Variants in COL25A1 observed in about 807,000 individuals in gnomAD.
COL25A1 encodes collagen alpha-1(XXV) chain.
Under a neutral mutation model 128.4 loss-of-function variants are expected in COL25A1, and 103 were observed. The ratio of observed to expected loss-of-function variants is 0.80; its 90% CI spans 0.68 to 0.94. The LOEUF is 0.94. Ranked by LOEUF, COL25A1 falls within the 40% of genes least tolerant of loss-of-function variation. The pLI is 0.00. For missense variants in COL25A1, 745 were observed against 840.0 expected, an observed-to-expected ratio of 0.89 and a Z score of 1.40; for synonymous variants, 279 against 277.2, an observed-to-expected ratio of 1.01 and a Z score of -0.06.
At chr4:109,256,621 T>C (rs1781105900) in intron 3 of COL25A1, among the ~76,000 whole-genome samples, 1 of 152,176 alleles carries the variant, frequency 6.6e-6, no homozygotes, top group African/African-American at 2.4e-5. Context: ...CAGACCAGTG[T>C]TTGGTTGACA....
chr4:108,844,609 T>C (rs1279601016), intron 29 of COL25A1, 40 bp from the exon 30 acceptor site: 1 of 1,596,178 alleles, frequency 6.3e-7, no homozygotes, highest in South Asian at 1.2e-5. Flanking sequence ...GGTTACTTCA[T>C]TTAGATAAGG....
intron 3 of COL25A1, among the ~76,000 whole-genome samples, chr4:109,137,238 T>C (rs986416942): frequency 6.6e-6 from 1 of 152,218 alleles, no homozygotes; most frequent in Non-Finnish European, 1.5e-5. Flanking sequence ...GATGAAATGT[T>C]CCTATTTGCA....
chr4:108,988,916 C>A (rs868231775), intron 6 of COL25A1, among the ~76,000 whole-genome samples: 11 of 152,172 alleles, frequency 7.2e-5, no homozygotes, highest in Non-Finnish European at 1.5e-4. Context: ...TCATTTCTGT[C>A]TTTTCTTCCC....
chr4:108,901,224 T>G, intron 13 of COL25A1, 52 bp from the exon 14 acceptor site: 3 of 1,225,690 alleles, frequency 2.4e-6, no homozygotes, highest in Non-Finnish European at 3.6e-6. Flanking sequence ...AATCAATACA[T>G]TACATGGATC....
At chr4:109,134,287 A>G (rs1769499918) in intron 3 of COL25A1, among the ~76,000 whole-genome samples, 1 of 151,854 alleles carries the variant, frequency 6.6e-6, no homozygotes, top group African/African-American at 2.4e-5. Flanking sequence ...TCTGGCAACT[A>G]TGTAGAAGAT....
At chr4:109,154,427 C>T (rs1289124210) in intron 3 of COL25A1, among the ~76,000 whole-genome samples, 2 of 152,186 alleles carry the variant, frequency 1.3e-5, no homozygotes, top group African/African-American at 4.8e-5. Context: ...TTCTCACACA[C>T]AAACACACAC....
intron 20 of COL25A1, among the ~76,000 whole-genome samples, chr4:108,863,910 T>C (rs1370126815): frequency 6.6e-6 from 1 of 152,152 alleles, no homozygotes; most frequent in Non-Finnish European, 1.5e-5. Flanking sequence ...AGTTACACCA[T>C]CTGCCTCCCT....
intron 3 of COL25A1, among the ~76,000 whole-genome samples, chr4:109,191,707 G>A (rs937795143): frequency 1.3e-5 from 2 of 152,130 alleles, no homozygotes. Flanking sequence ...TATATATATA[G>A]CAATACTCTG....
chr4:109,035,892 C>T (rs978315977), intron 5 of COL25A1, among the ~76,000 whole-genome samples: 3 of 151,234 alleles, frequency 2.0e-5, no homozygotes, highest in African/African-American at 7.3e-5. Context: ...TATCACCAAA[C>T]TAAAGATTTT....
intron 8 of COL25A1, among the ~76,000 whole-genome samples, chr4:108,971,897 A>G (rs937866616): frequency 2.0e-5 from 3 of 152,228 alleles, no homozygotes; most frequent in Non-Finnish European, 4.4e-5. Flanking sequence ...TTGTGTCTAT[A>G]GTATTAAGCA....
intron 8 of COL25A1, among the ~76,000 whole-genome samples, chr4:108,955,434 G>A (rs28386910): frequency 0.045 from 6,790 of 152,186 alleles, 389 homozygotes; most frequent in African/African-American, 0.14. Context: ...TGTACAAGGC[G>A]TAATTATCCA....
At chr4:108,941,281 T>C in intron 9 of COL25A1, 85 bp downstream of exon 9, 1 of 1,092,646 alleles carries the variant, frequency 9.2e-7, no homozygotes. Context: ...ACCCCACCCA[T>C]AAGAGATAAA....
chr4:108,935,644 T>C (rs1055034300), intron 11 of COL25A1, among the ~76,000 whole-genome samples: 4 of 152,112 alleles, frequency 2.6e-5, no homozygotes, highest in African/African-American at 9.7e-5. Context: ...AAAACCAGTA[T>C]TGTTTCACCT....
chr4:109,087,332 C>A (rs1029277218), intron 3 of COL25A1, among the ~76,000 whole-genome samples: 6 of 152,000 alleles, frequency 3.9e-5, no homozygotes, highest in African/African-American at 1.4e-4. Context: ...TTTGACTGAA[C>A]AAAGCAATAA....
chr4:108,922,212 T>C (rs1283531726), intron 11 of COL25A1, among the ~76,000 whole-genome samples: 1 of 152,200 alleles, frequency 6.6e-6, no homozygotes, highest in East Asian at 1.9e-4. Context: ...AAAGTAAATG[T>C]TCGTGCTAAG....
At chr4:108,981,613 G>A (rs533359626) in intron 6 of COL25A1, among the ~76,000 whole-genome samples, 11 of 152,168 alleles carry the variant, frequency 7.2e-5, no homozygotes, top group East Asian at 1.9e-4. Context: ...ATATCTTGGC[G>A]GTTAAGAGCT....
chr4:108,828,645 T>C (rs1732674095), intron 32 of COL25A1, among the ~76,000 whole-genome samples: 2 of 152,230 alleles, frequency 1.3e-5, no homozygotes, highest in South Asian at 2.1e-4. Context: ...AGATGTTCTG[T>C]ATTTCAAATG....
intron 3 of COL25A1, among the ~76,000 whole-genome samples, chr4:109,231,119 A>G (rs541241705): frequency 6.6e-6 from 1 of 152,192 alleles, no homozygotes; most frequent in East Asian, 1.9e-4. Flanking sequence ...CCAGCCTGGG[A>G]ACAGAAGCGA....
intron 13 of COL25A1, among the ~76,000 whole-genome samples, chr4:108,906,181 C>T (rs1295545519): frequency 6.6e-6 from 1 of 152,184 alleles, no homozygotes; most frequent in Non-Finnish European, 1.5e-5. Context: ...CATGATCTGA[C>T]CCCTGCTGCT....
Sources: gnomAD v4.1 joint callset for allele counts (sites outside exome capture counted in the v4.1 genomes callset) on GRCh38, gnomAD v4.1.1 for gene constraint, MANE v1.5 for transcripts, NCBI Gene and HGNC (gene_info 2026-07-23, HGNC 2026-07-21) for gene names.